The following UGT1A7 variants were observed in gnomAD, a reference collection of about 807,000 sequenced individuals.
UGT1A7 encodes UDP glucuronosyltransferase family 1 member A7.
Under a neutral mutation model 45.6 loss-of-function variants are expected in UGT1A7, and 33 were observed. That is an observed-to-expected ratio of 0.72 (90% CI 0.55 to 0.97). UGT1A7 has a LOEUF of 0.97. Among genes scored for constraint, UGT1A7 ranks in the 50% least tolerant of loss-of-function variants. The probability of loss-of-function intolerance (pLI) is 0.00; values close to 1 mark genes in which losing one functional copy is unlikely to be tolerated. For missense variants in UGT1A7, 684 were observed against 666.2 expected, an observed-to-expected ratio of 1.03 and a Z score of -0.29; for synonymous variants, 274 against 250.6, an observed-to-expected ratio of 1.09 and a Z score of -0.88.
rs1287277260 is a variant in UGT1A7 at position 233,682,790 on chromosome 2, A to G, written c.853A>G (p.Met285Val). ...CTGTCATCAGGGAAAGCCAGTGCCT[A>G]TGGTAAGTTATCTCCCCTTTAGCAC... Reference protein sequence around the residue: ...INCHQGKPVPMEFEAYINASG... With the variant: ...INCHQGKPVPVEFEAYINASG... Residue 285 changes from methionine (M) to valine (V), a missense_variant and splice_region_variant, in exon 1 of 5, where the codon ATG becomes GTG. By Grantham distance (21) the Met-to-Val change is conservative. Transcript: ENST00000373426. The G allele has an allele frequency of 2.2e-5, 35 of 1,611,474 alleles. No homozygotes were observed. The East Asian group carries it at 7.4e-4, about 34-fold the overall frequency.
intron 1 of UGT1A7, chr2:233,743,560 C>A: frequency 7.3e-7 from 1 of 1,367,302 alleles, no homozygotes; most frequent in South Asian, 1.1e-5. Flanking sequence ...AAATATTCTC[C>A]AGCGGGTTTC....
chr2:233,694,413 T>A (rs1229382859), intron 1 of UGT1A7, among the ~76,000 whole-genome samples: 1 of 152,034 alleles, frequency 6.6e-6, no homozygotes, highest in Non-Finnish European at 1.5e-5. Flanking sequence ...GCCACAGAAG[T>A]ATTTGGTCTG....
At chr2:233,715,195 A>G (rs1327063054) in intron 1 of UGT1A7, among the ~76,000 whole-genome samples, 4 of 152,188 alleles carry the variant, frequency 2.6e-5, no homozygotes, top group South Asian at 2.1e-4. Context: ...CAATTTTTCT[A>G]TCTTTTAAAA....
rs2126036602 is a variant in UGT1A7 at position 233,768,050 on chromosome 2, C to G, written c.1075+114C>G. On this transcript the variant is annotated intron_variant, in intron 3 of 4. Transcript: ENST00000373426. ...TTGAAAATATTATGGCCAACATATC[C>G]TACATTGCTTTTTATCTAGTGGGGT... 3 of 1,606,318 alleles carry G rather than the reference C, an allele frequency of 1.9e-6. No individual in the cohort carries two copies. In the Middle Eastern group the frequency reaches 5.0e-4, roughly 265 times the overall value.
intron 1 of UGT1A7, among the ~76,000 whole-genome samples, chr2:233,685,636 G>A (rs931333739): frequency 3.3e-5 from 5 of 152,138 alleles, no homozygotes; most frequent in Non-Finnish European, 4.4e-5. Context: ...CAAAGTTTTC[G>A]AACATATACC....
chr2:233,724,560 G>GCA (rs2077282425), intron 1 of UGT1A7, among the ~76,000 whole-genome samples: 1 of 129,456 alleles, frequency 7.7e-6, no homozygotes, highest in Non-Finnish European at 1.6e-5. Context: ...CATCCCAGAT[G>GCA]GGGCGGCGGG....
At chr2:233,728,231 G>A (rs1452925850) in intron 1 of UGT1A7, among the ~76,000 whole-genome samples, 2 of 152,110 alleles carry the variant, frequency 1.3e-5, no homozygotes, top group Admixed American at 6.5e-5. Context: ...TAATCTTCAG[G>A]ATGAAATAAA....
chr2:233,767,131 C>T lies in UGT1A7; in HGVS notation c.953C>T (p.Ala318Val). The change falls in exon 2 of 5, where the codon GCA becomes GTA. Residue 318 changes from alanine to valine, a missense_variant. Coordinates refer to ENST00000373426, the MANE Select transcript of UGT1A7 (RefSeq NM_019077.3). ...VSEIPEKKAM[A>V]IADALGKIPQ... The stretch of plus-strand genomic sequence containing the variant: ...GAAATTCCAGAGAAGAAAGCTATGG[C>T]AATTGCTGATGCTTTGGGCAAAATC... 1 of 1,614,090 alleles carries T rather than the reference C, an allele frequency of 6.2e-7. No individual in the cohort carries two copies. The highest frequency in any genetic ancestry group is 8.5e-7 in the Non-Finnish European group (1 of 1,180,014).
chr2:233,692,696 C>G lies in UGT1A7; in HGVS notation c.855+9904C>G, dbSNP rs28898576. ...ATTGGCAGGGGGTCCTCAGGGGTCT[C>G]TCCAAGTCATCTTCAAAGTGTTGCT... On this transcript the variant is annotated intron_variant, in intron 1 of 4. Coordinates refer to ENST00000373426, the MANE Select transcript of UGT1A7 (RefSeq NM_019077.3). The G allele has an allele frequency of 5.4e-3, 2,104 of 392,412 alleles. 43 individuals are homozygous for G. The highest frequency in any genetic ancestry group is 0.043 in the African/African-American group (1,970 of 45,804). The allele number at this position is 392,412 out of a possible 1,614,324, so 24.3% of individuals were successfully genotyped here. A position where few individuals can be genotyped will look rare whatever the true frequency, so the allele number is the denominator to read the frequency against.
intron 1 of UGT1A7, among the ~76,000 whole-genome samples, chr2:233,701,227 A>G (rs1158815086): frequency 1.3e-5 from 2 of 152,172 alleles, no homozygotes; most frequent in African/African-American, 4.8e-5. Flanking sequence ...TCCTTTGGGT[A>G]TATACCCAGT....
At chr2:233,717,670 G>GC (rs2076597082) in intron 1 of UGT1A7, 1 of 419,050 alleles carries the variant, frequency 2.4e-6, no homozygotes, top group African/African-American at 2.0e-5. Context: ...CAGCAATCTT[G>GC]CGAGCACATG....
At chr2:233,690,849 A>T (rs765856425) in intron 1 of UGT1A7, 447 of 1,068,548 alleles carry the variant, frequency 4.2e-4, no homozygotes, top group Non-Finnish European at 4.9e-4. Flanking sequence ...ATGTTTTCTA[A>T]TACCTTCTTA....
chr2:233,732,686 C>T (rs1472057155), intron 1 of UGT1A7, among the ~76,000 whole-genome samples: 1 of 151,722 alleles, frequency 6.6e-6, no homozygotes, highest in African/African-American at 2.4e-5. Flanking sequence ...GGTACCAGCA[C>T]CCATGCTGTT....
chr2:233,727,816 A>G (rs759645481), intron 1 of UGT1A7, among the ~76,000 whole-genome samples: 3 of 152,170 alleles, frequency 2.0e-5, no homozygotes, highest in Non-Finnish European at 4.4e-5. Context: ...GTTCTGTCCA[A>G]AGGTGGAATC....
chr2:233,748,133 A>G (rs1199962839), intron 1 of UGT1A7: 2 of 1,609,694 alleles, frequency 1.2e-6, no homozygotes, highest in Non-Finnish European at 1.7e-6. Context: ...AGTTTTTAAA[A>G]ATTGTATTTA....
chr2:233,690,844 T>G, intron 1 of UGT1A7: 1 of 1,068,762 alleles, frequency 9.4e-7, no homozygotes. Flanking sequence ...GAAAAATGTT[T>G]TCTAATACCT....
intron 1 of UGT1A7, chr2:233,719,003 C>T: frequency 6.2e-7 from 1 of 1,614,256 alleles, no homozygotes; most frequent in Admixed American, 1.7e-5. Context: ...CGGTGGTCCT[C>T]ACCCCAGAGG....
chr2:233,743,534 T>C, intron 1 of UGT1A7: 1 of 1,367,218 alleles, frequency 7.3e-7, no homozygotes, highest in Non-Finnish European at 9.8e-7. Flanking sequence ...CCCCAGCAGT[T>C]CCTCTGACCC....
At chr2:233,733,214 A>T (rs920142608) in intron 1 of UGT1A7, among the ~76,000 whole-genome samples, 1 of 152,180 alleles carries the variant, frequency 6.6e-6, no homozygotes, top group African/African-American at 2.4e-5. Flanking sequence ...TTGGGCTGAG[A>T]CAATGGGGTT....
Sources: allele counts gnomAD v4.1 joint callset (sites outside exome capture counted in the v4.1 genomes callset), GRCh38; gene constraint gnomAD v4.1.1; transcripts MANE v1.5; gene names NCBI Gene and HGNC (gene_info 2026-07-23, HGNC 2026-07-21).